TRIM27: variants seen among roughly 807,000 people sequenced by gnomAD.
TRIM27 encodes the protein zinc finger protein RFP.
TRIM27 carries 12 observed loss-of-function variants against 57.6 expected under a neutral mutation model. That is an observed-to-expected ratio of 0.21 (90% confidence interval 0.13 to 0.34). TRIM27 has a LOEUF of 0.34. Ranked by LOEUF, TRIM27 falls within the 10% of genes least tolerant of loss-of-function variation. The pLI is 1.00. For synonymous variants in TRIM27, 266 were observed against 259.0 expected (o/e 1.03, Z -0.26); for missense variants, 403 against 656.8 (o/e 0.61, Z 4.22).
At chr6:28,918,673 T>TGA (rs1352283757) in intron 3 of TRIM27, among the ~76,000 whole-genome samples, 3 of 152,090 alleles carry the variant, frequency 2.0e-5, no homozygotes, top group Admixed American at 1.3e-4. Flanking sequence ...GTCAGGAGTT[T>TGA]GAGACCAGCC....
At chr6:28,914,386 C>T (rs1581503348) in intron 3 of TRIM27, among the ~76,000 whole-genome samples, 1 of 151,864 alleles carries the variant, frequency 6.6e-6, no homozygotes, top group African/African-American at 2.4e-5. Flanking sequence ...CCACCTGCCT[C>T]GGCCTCCCAA....
chr6:28,917,369 G>A (rs1207928942), intron 3 of TRIM27, among the ~76,000 whole-genome samples: 1 of 152,062 alleles, frequency 6.6e-6, no homozygotes, highest in Non-Finnish European at 1.5e-5. Flanking sequence ...CCTGAGGTCA[G>A]GAGTTCAGGA....
chr6:28,907,557 G>A (rs1310559956), intron 6 of TRIM27: 1 of 645,756 alleles, frequency 1.5e-6, no homozygotes, highest in Non-Finnish European at 2.9e-6. Context: ...CAGTGAGTCA[G>A]CTGATTCTGC....
intron 3 of TRIM27, among the ~76,000 whole-genome samples, chr6:28,918,409 G>C (rs1244388324): frequency 6.6e-6 from 1 of 151,976 alleles, no homozygotes; most frequent in African/African-American, 2.4e-5. Flanking sequence ...CATTGTGATA[G>C]TTCTACCTAA....
chr6:28,923,737 G>A lies in TRIM27; in HGVS notation c.-105C>T, dbSNP rs1325498261. 4 of 1,290,410 alleles carry A rather than the reference G, an allele frequency of 3.1e-6. No individual in the cohort carries two copies. The highest frequency in any genetic ancestry group is 3.1e-5 in the South Asian group (2 of 63,858). 79.9% of individuals were successfully genotyped at this position (1,290,410 alleles called of 1,614,324 possible). A position where few individuals can be genotyped will look rare whatever the true frequency, so the allele number is the denominator to read the frequency against. On this transcript the variant is annotated 5_prime_UTR_variant, in exon 1 of 8. Coordinates refer to ENST00000377199, the MANE Select transcript of TRIM27 (RefSeq NM_006510.5). ...CGGTTCGCTGTTCCTGAGAGGCACC[G>A]GGCGGACGGAGGGCGGCGCCTCCCG... is the stretch of plus-strand genomic sequence containing the variant.
Position 28,923,957 on chromosome 6 carries a change from C to T in TRIM27, c.-325G>A, listed in dbSNP as rs1311115552. ...GGCAAAGCGCGCAAGACAACGTGGC[C>T]GCGTCCGAGCGGATGCCGGCGGCAG... On this transcript the variant is annotated 5_prime_UTR_variant, in exon 1 of 8. Coordinates refer to ENST00000377199, the MANE Select transcript of TRIM27 (RefSeq NM_006510.5). 5.6e-6 allele frequency: 2 copies of T among 354,036 alleles called. No homozygotes were observed. Among genetic ancestry groups the T allele is most frequent in the Non-Finnish European group, 1.0e-5 (2 of 197,586 alleles). 21.9% of individuals were successfully genotyped at this position (354,036 alleles called of 1,614,324 possible). A position where few individuals can be genotyped will look rare whatever the true frequency, so the allele number is the denominator to read the frequency against.
chr6:28,922,900 G>A (rs1265891522), intron 1 of TRIM27, among the ~76,000 whole-genome samples: 1 of 152,156 alleles, frequency 6.6e-6, no homozygotes, highest in Non-Finnish European at 1.5e-5. Flanking sequence ...GCTTGTCGAT[G>A]TGTACGCGGT....
At chr6:28,910,765 C>A (rs1249495875) in intron 4 of TRIM27, among the ~76,000 whole-genome samples, 1 of 152,208 alleles carries the variant, frequency 6.6e-6, no homozygotes, top group African/African-American at 2.4e-5. Context: ...TAGGTCACAG[C>A]TAGACTGGCA....
rs998121305 is a variant in TRIM27 at position 28,923,195 on chromosome 6, C to T, written c.420+18G>A. 2.0e-6 allele frequency: 3 copies of T among 1,535,378 alleles called. No homozygotes were observed. The African/African-American group carries it at 4.1e-5, about 21-fold the overall frequency. On this transcript the variant is annotated intron_variant, in intron 1 of 7. Coordinates refer to ENST00000377199, the MANE Select transcript of TRIM27 (RefSeq NM_006510.5). ...TTGTCCGACTCGCGCTCCCGCCCTC[C>T]CGGATCCGCGCCCTCACCTTGAAGC... is the stretch of plus-strand genomic sequence containing the variant.
Position 28,911,713 on chromosome 6 carries a change from A to G in TRIM27, c.753T>C (p.Ile251=), listed in dbSNP as rs772384821. 7 of 1,612,090 alleles carry G rather than the reference A, an allele frequency of 4.3e-6. No homozygotes were observed. Among genetic ancestry groups the G allele is most frequent in the African/African-American group, 2.7e-5 (2 of 74,804 alleles). ...QQPTRELLQD[I]GDTLSRAERI... Reference sequence around the variant, plus strand: ...AACTATACCTGCTCAATGTGTCCCCAATGTCCTGCAAGAGAAAGGAAAAAA... The same window carrying G: ...AACTATACCTGCTCAATGTGTCCCCGATGTCCTGCAAGAGAAAGGAAAAAA... The change falls in exon 4 of 8, where the codon ATT becomes ATC. Residue 251 remains isoleucine, a synonymous_variant. Coordinates refer to ENST00000377199, the MANE Select transcript of TRIM27 (RefSeq NM_006510.5).
chr6:28,907,175 A>G, intron 7 of TRIM27, 61 bp downstream of exon 7: 1 of 1,445,340 alleles, frequency 6.9e-7, no homozygotes, highest in South Asian at 1.2e-5. Context: ...TCATAATAGT[A>G]GTTAGGTTCA....
chr6:28,907,057 C>T (rs935548243), intron 7 of TRIM27, 179 bp downstream of exon 7: 3 of 576,060 alleles, frequency 5.2e-6, no homozygotes, highest in Non-Finnish European at 9.1e-6. Flanking sequence ...TTTCAGGAGG[C>T]AAAGATACTG....
intron 3 of TRIM27, among the ~76,000 whole-genome samples, chr6:28,917,004 T>C (rs1435677641): frequency 3.3e-5 from 5 of 151,902 alleles, no homozygotes; most frequent in South Asian, 2.1e-4. Flanking sequence ...TAGCCAAGCA[T>C]GGTGGTTTAC....
intron 3 of TRIM27, 126 bp downstream of exon 3, chr6:28,919,886 T>A: frequency 1.2e-6 from 1 of 842,624 alleles, no homozygotes; most frequent in South Asian, 1.9e-5. Flanking sequence ...CAATATAGAG[T>A]TTGGCAAGCT....
rs1774285279 is a variant in TRIM27, at chr6:28,923,964, G to GGCGGCAGCGTAATGCCGGC, written c.-333_-332insGCCGGCATTACGCTGCCGC. On this transcript the variant is annotated 5_prime_UTR_variant, in exon 1 of 8. Transcript: ENST00000377199. Reference sequence around the variant, plus strand: ...CGCGCAAGACAACGTGGCCGCGTCCGAGCGGATGCCGGCGGCAGCGTAAAC... The same window carrying GGCGGCAGCGTAATGCCGGC: ...CGCGCAAGACAACGTGGCCGCGTCCGGCGGCAGCGTAATGCCGGCAGCGGATGCCGGCGGCAGCGTAAAC... 1 of 350,738 alleles carries GGCGGCAGCGTAATGCCGGC rather than the reference G, an allele frequency of 2.9e-6. No homozygotes were observed. Among genetic ancestry groups the GGCGGCAGCGTAATGCCGGC allele is most frequent in the African/African-American group, 2.1e-5 (1 of 47,738 alleles). The allele number at this position is 350,738 out of a possible 1,614,324, so 21.7% of individuals were successfully genotyped here.
In TRIM27 at chr6:28,904,484, C is replaced by T; in HGVS notation, c.1128G>A (p.Glu376=). 9 of 1,613,038 alleles carry T rather than the reference C, an allele frequency of 5.6e-6. No homozygotes were observed. The highest frequency in any genetic ancestry group is 2.2e-5 in the East Asian group (1 of 44,868). ...FIAGRHYWEV[E]VGDKAKWTIG... ...TGGTCCACTTGGCTTTATCTCCCAC[C>T]TCTACCTCCCAATAATGTCTCCCGG... Residue 376 remains glutamate (E), a synonymous_variant, in exon 8 of 8, where the codon GAG becomes GAA. Transcript: ENST00000377199. This position sits in a 1 kb window ranked among gnomAD's most constrained non-coding sequence, Gnocchi z 6.1.
At position 28,903,783 on chromosome 6, in the gene TRIM27, ATC is replaced by A; in HGVS notation, c.*285_*286del. 1 of 434,790 alleles carries A rather than the reference ATC, an allele frequency of 2.3e-6. No homozygotes were observed. The highest frequency in any genetic ancestry group is 4.1e-6 in the Non-Finnish European group (1 of 245,020). The allele number at this position is 434,790 out of a possible 1,614,324, so 26.9% of individuals were successfully genotyped here. ...GAACGGCTCTCCAAATCCAAAGATT[ATC>A]CATACTCTTTATCCCTCCAGCGATG... On this transcript the variant is annotated 3_prime_UTR_variant, in exon 8 of 8. Transcript: ENST00000377199.
rs1774076833 is a variant in TRIM27 at position 28,921,999 on chromosome 6, A to C, written c.421-12T>G. The C allele has an allele frequency of 6.2e-7, 1 of 1,602,028 alleles. No individual in the cohort carries two copies. Among genetic ancestry groups the C allele is most frequent in the Admixed American group, 1.7e-5 (1 of 59,994 alleles). On this transcript the variant is annotated splice_polypyrimidine_tract_variant and intron_variant, in intron 1 of 7. Coordinates refer to ENST00000377199, the MANE Select transcript of TRIM27 (RefSeq NM_006510.5). ...TTCTGGATTTGCTCCTGAGAAAAGC[A>C]AAACAGATGGGCAGTTCAAAATTAG...
intron 3 of TRIM27, among the ~76,000 whole-genome samples, chr6:28,914,581 TGGGGGG>T (rs9280508): frequency 2.6e-5 from 1 of 38,944 alleles, no homozygotes; most frequent in African/African-American, 9.0e-5. Context: ...ATTGCAAGGG[TGGGGGG>T]GGGGGGATGA....
Sources: gnomAD v4.1 joint callset for allele counts (sites outside exome capture counted in the v4.1 genomes callset) on GRCh38, gnomAD v4.1.1 for gene constraint, Gnocchi (gnomAD v3.1) non-coding constraint, MANE v1.5 for transcripts, NCBI Gene and HGNC (gene_info 2026-07-23, HGNC 2026-07-21) for gene names.